Variants in TBPL1 observed in about 807,000 individuals in gnomAD.
TBPL1 encodes the protein TATA box-binding protein-like 1.
TBPL1 carries 4 observed loss-of-function variants against 22.1 expected under a neutral mutation model. That is an observed-to-expected ratio of 0.18 (90% CI 0.09 to 0.41). TBPL1 has a LOEUF of 0.41. Among genes scored for constraint, TBPL1 ranks in the 10% least tolerant of loss-of-function variants. The pLI is 1.00. For missense variants in TBPL1, 115 were observed against 222.3 expected (o/e 0.52, Z 3.07); for synonymous variants, 64 against 71.0 (o/e 0.90, Z 0.50).
intron 1 of TBPL1, among the ~76,000 whole-genome samples, chr6:133,970,240 T>C (rs999199412): frequency 2.0e-5 from 3 of 152,264 alleles, no homozygotes; most frequent in African/African-American, 7.2e-5. Flanking sequence ...TAAGATTTTC[T>C]TCACACAGCT....
intron 1 of TBPL1, among the ~76,000 whole-genome samples, chr6:133,963,609 A>G (rs990469112): frequency 3.9e-5 from 6 of 152,004 alleles, no homozygotes; most frequent in African/African-American, 1.4e-4. Flanking sequence ...TTTTGTCGAG[A>G]CAGAGTCTCA....
chr6:133,967,630 T>C (rs992943209), intron 1 of TBPL1, among the ~76,000 whole-genome samples: 2 of 152,182 alleles, frequency 1.3e-5, no homozygotes, highest in African/African-American at 4.8e-5. Context: ...GCATGTTTCT[T>C]TACTGAGTAC....
rs182180101 is a variant in TBPL1 at position 133,989,726 on chromosome 6, G to A, written c.*2686G>A. The A allele has an allele frequency of 7.2e-5, 11 of 152,186 alleles. No individual in the cohort carries two copies. Among genetic ancestry groups the A allele is most frequent in the African/African-American group, 2.2e-4 (9 of 41,532 alleles). The allele number at this position is 152,186 out of a possible 1,614,324, so 9.4% of individuals were successfully genotyped here. ...GTTTTACTACTTACATAGGTTTATA[G>A]TCTCTCCACATTGTTATAAAGGAAT... On this transcript the variant is annotated 3_prime_UTR_variant, in exon 7 of 7. Transcript: ENST00000237264.
intron 2 of TBPL1, 89 bp downstream of exon 2, chr6:133,980,349 T>C: frequency 7.2e-7 from 1 of 1,395,194 alleles, no homozygotes; most frequent in South Asian, 1.7e-5. Context: ...CTACAGATAG[T>C]TTATGAGCAC....
intron 1 of TBPL1, among the ~76,000 whole-genome samples, chr6:133,974,179 C>A (rs1420357149): frequency 2.0e-5 from 3 of 152,170 alleles, no homozygotes; most frequent in Admixed American, 2.0e-4. Context: ...CTGTCTACAT[C>A]TCTACATCTG....
Position 133,982,997 on chromosome 6 carries a change from T to C in TBPL1, c.282+117T>C, listed in dbSNP as rs1776443598. The C allele has an allele frequency of 4.1e-6, 4 of 985,644 alleles. No individual in the cohort carries two copies. In the African/African-American group the frequency reaches 6.5e-5, roughly 16 times the overall value. The allele number at this position is 985,644 out of a possible 1,614,324, so 61.1% of individuals were successfully genotyped here. A position where few individuals can be genotyped will look rare whatever the true frequency, so the allele number is the denominator to read the frequency against. On this transcript the variant is annotated intron_variant, in intron 4 of 6. Transcript: ENST00000237264. ...CGTACTATTCTTATGATTAAACTTT[T>C]TCTAGGTTTTTTAATACTGCCCTTC...
chr6:133,984,677 C>G lies in TBPL1; in HGVS notation c.481+6C>G. The stretch of plus-strand genomic sequence containing the variant: ...AGGAAGTATCACAGTAACAGGTATT[C>G]TATGATATTGAAACCACACTTATCA... On this transcript the variant is annotated splice_donor_region_variant and intron_variant, in intron 6 of 6. Transcript: ENST00000237264. 6.2e-7 allele frequency: 1 copy of G among 1,600,412 alleles called. No homozygotes were observed. The highest frequency in any genetic ancestry group is 1.1e-5 in the South Asian group (1 of 90,616).
intron 1 of TBPL1, among the ~76,000 whole-genome samples, chr6:133,979,243 TAATG>T (rs1776367937): frequency 6.6e-6 from 1 of 152,162 alleles, no homozygotes; most frequent in Non-Finnish European, 1.5e-5. Context: ...AGAAAGAAAA[TAATG>T]AATGAATGGT....
chr6:133,972,633 A>G (rs1431246844), intron 1 of TBPL1, among the ~76,000 whole-genome samples: 1 of 152,142 alleles, frequency 6.6e-6, no homozygotes, highest in East Asian at 1.9e-4. Flanking sequence ...GCACTGGCCC[A>G]TTGGCTGTAG....
chr6:133,986,381 A>G (rs1776523807), intron 6 of TBPL1, among the ~76,000 whole-genome samples: 2 of 152,226 alleles, frequency 1.3e-5, no homozygotes, highest in Admixed American at 1.3e-4. Flanking sequence ...AGCATAATGC[A>G]TGGTCACCTC....
intron 1 of TBPL1, among the ~76,000 whole-genome samples, chr6:133,974,942 T>C (rs1486048811): frequency 1.3e-5 from 2 of 152,200 alleles, no homozygotes; most frequent in Admixed American, 1.3e-4. Context: ...CATATCCAAC[T>C]TCAGTCACAC....
chr6:133,985,297 A>AAAATAT (rs1449435525), intron 6 of TBPL1, among the ~76,000 whole-genome samples: 4 of 42,906 alleles, frequency 9.3e-5, no homozygotes, highest in Non-Finnish European at 1.2e-4. Context: ...AAAAAAAAAA[A>AAAATAT]ATATATATAT....
intron 1 of TBPL1, among the ~76,000 whole-genome samples, chr6:133,955,246 G>A (rs539778847): frequency 6.8e-6 from 1 of 146,154 alleles, no homozygotes; most frequent in Admixed American, 6.9e-5. Flanking sequence ...GTTTGCCGTT[G>A]TCTGTCTCTT....
At position 133,976,837 on chromosome 6, in the gene TBPL1, A is replaced by T. The variant is rs146107878; in HGVS notation, c.-44-3245A>T. ...CCCTGTCTCTACTAAAAATACAAAA[A>T]TTAGCTGAGCATGGTGGTGGGTGCC... On this transcript the variant is annotated intron_variant, in intron 1 of 6. Transcript: ENST00000237264. Among the ~76,000 whole-genome samples, 1,280 of 152,122 alleles carry T rather than the reference A, an allele frequency of 8.4e-3. 37 individuals are homozygous for T. Among genetic ancestry groups the T allele is most frequent in the Admixed American group, 0.062 (946 of 15,264 alleles).
chr6:133,964,670 G>A (rs991606781), intron 1 of TBPL1, among the ~76,000 whole-genome samples: 6 of 151,908 alleles, frequency 3.9e-5, no homozygotes, highest in South Asian at 2.1e-4. Flanking sequence ...GGATGGTCTC[G>A]ATCTCCTGAC....
rs1010852968 is a variant in TBPL1 at position 133,987,571 on chromosome 6, A to C, written c.*531A>C. On this transcript the variant is annotated 3_prime_UTR_variant, in exon 7 of 7. Transcript: ENST00000237264. The stretch of plus-strand genomic sequence containing the variant: ...TTCATACTTCTTTTTTTTAAAATCT[A>C]TGCAAGCTTAAGACTTTGGCTAAAG... 3 of 151,842 alleles carry C rather than the reference A, an allele frequency of 2.0e-5. No homozygotes were observed. In the South Asian group the frequency reaches 6.2e-4, roughly 32 times the overall value. The allele number at this position is 151,842 out of a possible 1,614,324, so 9.4% of individuals were successfully genotyped here. A position where few individuals can be genotyped will look rare whatever the true frequency, so the allele number is the denominator to read the frequency against.
At chr6:133,969,760 C>T (rs887972917) in intron 1 of TBPL1, among the ~76,000 whole-genome samples, 1 of 152,194 alleles carries the variant, frequency 6.6e-6, no homozygotes, top group African/African-American at 2.4e-5. Context: ...GACCTTAGTG[C>T]ATCTAACTCT....
At chr6:133,969,773 C>G (rs1268637742) in intron 1 of TBPL1, among the ~76,000 whole-genome samples, 1 of 152,180 alleles carries the variant, frequency 6.6e-6, no homozygotes, top group Non-Finnish European at 1.5e-5. Flanking sequence ...CTAACTCTCT[C>G]CCATTACTGC....
At chr6:133,957,303 A>G (rs532907745) in intron 1 of TBPL1, among the ~76,000 whole-genome samples, 14 of 152,354 alleles carry the variant, frequency 9.2e-5, no homozygotes, top group Admixed American at 7.8e-4. Context: ...TTCACCATCC[A>G]TTAATAAAAA....
Sources: allele counts gnomAD v4.1 joint callset (sites outside exome capture counted in the v4.1 genomes callset), GRCh38; gene constraint gnomAD v4.1.1; transcripts MANE v1.5; gene names NCBI Gene and HGNC (gene_info 2026-07-23, HGNC 2026-07-21).